PXDC1: variants seen among roughly 807,000 people sequenced by gnomAD.
PXDC1 encodes the protein PX domain containing 1.
PXDC1 carries 13 observed loss-of-function variants against 24.4 expected under a neutral mutation model. The observed-to-expected ratio is 0.53, with a 90% confidence interval of 0.35 to 0.85. The LOEUF (loss-of-function observed/expected upper bound fraction) is 0.85, where lower values mean the gene tolerates loss of function less well. Among genes scored for constraint, PXDC1 ranks in the 40% least tolerant of loss-of-function variants. PXDC1 has a pLI of 0.01. For synonymous variants in PXDC1, 162 were observed against 124.9 expected, an observed-to-expected ratio of 1.30 and a Z score of -1.98; for missense variants, 344 against 309.3, an observed-to-expected ratio of 1.11 and a Z score of -0.84.
rs971477934 is a variant in PXDC1, at chr6:3,737,607, G to T, written c.349-411C>A. Reference sequence around the variant, plus strand: ...TTAACCACCACTCACGACGAAGCCCGCAGGCTTACATGGAAAGGGAGTTGA... The same window carrying T: ...TTAACCACCACTCACGACGAAGCCCTCAGGCTTACATGGAAAGGGAGTTGA... On this transcript the variant is annotated intron_variant, in intron 2 of 4. Transcript: ENST00000380283. This position sits in a 1 kb window ranked among gnomAD's most constrained non-coding sequence, Gnocchi z 5.5. The T allele has an allele frequency of 1.1e-5, 11 of 972,918 alleles. No homozygotes were observed. In the African/African-American group the frequency reaches 1.4e-4, roughly 12 times the overall value. 60.3% of individuals were successfully genotyped at this position (972,918 alleles called of 1,614,324 possible).
At chr6:3,734,535 C>G (rs1020964312) in intron 3 of PXDC1, among the ~76,000 whole-genome samples, 4 of 152,146 alleles carry the variant, frequency 2.6e-5, no homozygotes, top group African/African-American at 9.7e-5. Context: ...CCAGAGCCCT[C>G]TGTGAGCCCT....
Position 3,725,095 on chromosome 6 carries a change from A to C in PXDC1, c.579-1359T>G, listed in dbSNP as rs752253735. On this transcript the variant is annotated intron_variant, in intron 4 of 4. Coordinates refer to ENST00000380283, the MANE Select transcript of PXDC1 (RefSeq NM_183373.4). The surrounding 1 kb of genome is among the most constrained non-coding windows in gnomAD (Gnocchi z 4.8). ...GGAGACAGAGCAGCTCTCCAACTTC[A>C]TCCAGGGAATGAAATCTCTTCCCCA... Among the ~76,000 whole-genome samples the C allele has an allele frequency of 6.6e-6, 1 of 152,088 alleles. No individual in the cohort carries two copies. Among genetic ancestry groups the C allele is most frequent in the Non-Finnish European group, 1.5e-5 (1 of 68,002 alleles).
At chr6:3,740,376 T>G (rs965838545) in intron 1 of PXDC1, among the ~76,000 whole-genome samples, 5 of 152,360 alleles carry the variant, frequency 3.3e-5, no homozygotes, top group Non-Finnish European at 7.4e-5. Context: ...GATGCCTAAT[T>G]AAATACGAAT....
At chr6:3,749,590 G>A (rs1760653425) in intron 1 of PXDC1, among the ~76,000 whole-genome samples, 1 of 151,354 alleles carries the variant, frequency 6.6e-6, no homozygotes, top group South Asian at 2.2e-4. Context: ...CACCAGCGTG[G>A]ATGCAACTGA....
intron 3 of PXDC1, among the ~76,000 whole-genome samples, chr6:3,736,433 T>G (rs1760318047): frequency 6.6e-6 from 1 of 152,180 alleles, no homozygotes; most frequent in South Asian, 2.1e-4. Flanking sequence ...ACAAGGTGAT[T>G]GCCACTTGCT....
chr6:3,745,472 C>T (rs981907906), intron 1 of PXDC1, among the ~76,000 whole-genome samples: 1 of 152,230 alleles, frequency 6.6e-6, no homozygotes. Flanking sequence ...ACAGTGCACC[C>T]GAGGCTTGAG....
At chr6:3,734,944 G>A (rs1473714169) in intron 3 of PXDC1, among the ~76,000 whole-genome samples, 2 of 152,082 alleles carry the variant, frequency 1.3e-5, no homozygotes, top group Non-Finnish European at 2.9e-5. Flanking sequence ...AACTAGCCTG[G>A]CATGATGGGA....
Position 3,725,835 on chromosome 6 carries a change from C to T in PXDC1, c.578+1716G>A, listed in dbSNP as rs1209286210. Reference sequence around the variant, plus strand: ...CGGCAAGCCCAAGTCGGAACTCCCTCCAGATGCTCCCGAGCCCCATGGCGG... The same window carrying T: ...CGGCAAGCCCAAGTCGGAACTCCCTTCAGATGCTCCCGAGCCCCATGGCGG... On this transcript the variant is annotated intron_variant, in intron 4 of 4. Transcript: ENST00000380283. This position sits in a 1 kb window ranked among gnomAD's most constrained non-coding sequence, Gnocchi z 4.8. Among the ~76,000 whole-genome samples, 1 of 152,210 alleles carries T rather than the reference C, an allele frequency of 6.6e-6. No individual in the cohort carries two copies. Among genetic ancestry groups the T allele is most frequent in the Admixed American group, 6.5e-5 (1 of 15,284 alleles).
chr6:3,737,696 T>C lies in PXDC1; in HGVS notation c.348+361A>G, dbSNP rs908580691. The C allele has an allele frequency of 4.1e-6, 4 of 985,254 alleles. No homozygotes were observed. In the African/African-American group the frequency reaches 7.0e-5, roughly 17 times the overall value. 61.0% of individuals were successfully genotyped at this position (985,254 alleles called of 1,614,324 possible). On this transcript the variant is annotated intron_variant, in intron 2 of 4. Transcript: ENST00000380283. The surrounding 1 kb of genome is among the most constrained non-coding windows in gnomAD (Gnocchi z 5.5). Reference sequence around the variant, plus strand: ...CAACGTTCTTCTTGGTTTCCACGTGTCTGTTCTAAAATCCCCTCAGCAAGA... The same window carrying C: ...CAACGTTCTTCTTGGTTTCCACGTGCCTGTTCTAAAATCCCCTCAGCAAGA...
At chr6:3,730,613 T>G (rs899934936) in intron 3 of PXDC1, among the ~76,000 whole-genome samples, 1 of 152,176 alleles carries the variant, frequency 6.6e-6, no homozygotes, top group Non-Finnish European at 1.5e-5. Context: ...CTGTAGCCTG[T>G]GCCCCGTTTC....
At chr6:3,750,615 G>T (rs1207878550) in intron 1 of PXDC1, among the ~76,000 whole-genome samples, 2 of 152,248 alleles carry the variant, frequency 1.3e-5, no homozygotes, top group Non-Finnish European at 2.9e-5. Flanking sequence ...ATTCCCGCGA[G>T]CCAGGACGGT....
intron 1 of PXDC1, among the ~76,000 whole-genome samples, chr6:3,749,867 C>T (rs148701102): frequency 7.7e-4 from 118 of 152,316 alleles, no homozygotes; most frequent in African/African-American, 2.6e-3. Flanking sequence ...ATTTAAGCCT[C>T]GTTCCAGGAA....
chr6:3,741,116 C>A (rs575028748), intron 1 of PXDC1, among the ~76,000 whole-genome samples: 1 of 152,332 alleles, frequency 6.6e-6, no homozygotes, highest in East Asian at 1.9e-4. Context: ...GTCATCACCT[C>A]AGCCTGACCC....
At position 3,727,556 on chromosome 6, in the gene PXDC1, C is replaced by A. The variant is rs773829554; in HGVS notation, c.573G>T (p.Glu191Asp). 56 of 1,596,642 alleles carry A rather than the reference C, an allele frequency of 3.5e-5. No individual in the cohort carries two copies. The Admixed American group carries it at 8.8e-4, about 25-fold the overall frequency. The change falls in exon 4 of 5, where the codon GAG (glutamate) becomes GAT (aspartate). Residue 191 changes from glutamate to aspartate, a missense_variant. By Grantham distance (45) the Glu-to-Asp change is conservative (BLOSUM62 2). Coordinates refer to ENST00000380283, the MANE Select transcript of PXDC1 (RefSeq NM_183373.4). Reference sequence around the variant, plus strand: ...ATTCAAATCAGCATACTTACAAATGCTCTGTTGGGTCCACGCCCAGCTGCT... The same window carrying A: ...ATTCAAATCAGCATACTTACAAATGATCTGTTGGGTCCACGCCCAGCTGCT... Reference protein sequence around the residue: ...RDQQLGVDPTEHLFENGSEFP... With the variant: ...RDQQLGVDPTDHLFENGSEFP...
rs184674320 is a variant in PXDC1, at chr6:3,744,226, C to T, written c.257-6078G>A. On this transcript the variant is annotated intron_variant, in intron 1 of 4. Coordinates refer to ENST00000380283, the MANE Select transcript of PXDC1 (RefSeq NM_183373.4). ...TCCGTCCTGCAGCATCACAGGTTCC[C>T]AGGGGGAGCAGCCCACTCAGGCAGG... 3.9e-5 allele frequency among the ~76,000 whole-genome samples: 6 copies of T among 152,314 alleles called. No individual in the cohort carries two copies. The East Asian group carries it at 9.6e-4, about 24-fold the overall frequency.
In PXDC1 at chr6:3,737,175, G is replaced by T; in HGVS notation, c.370C>A (p.Leu124Ile). The change falls in exon 3 of 5, where the codon CTC becomes ATC. Residue 124 changes from leucine (L) to isoleucine (I), a missense_variant. Transcript: ENST00000380283. This position sits in a 1 kb window ranked among gnomAD's most constrained non-coding sequence, Gnocchi z 5.5. ...AGAGGAGATCTTTCGAAGAAGGTGAGCACAACTTCCGATCTAGAATACTGG... is the reference window on the plus strand; with the variant it reads ...AGAGGAGATCTTTCGAAGAAGGTGATCACAACTTCCGATCTAGAATACTGG... ...PCKYSRSEVV[L>I]TFFERSPLDQ... 2 of 1,611,002 alleles carry T rather than the reference G, an allele frequency of 1.2e-6. No individual in the cohort carries two copies. The highest frequency in any genetic ancestry group is 1.7e-6 in the Non-Finnish European group (2 of 1,177,102).
At chr6:3,745,171 A>G (rs1365718610) in intron 1 of PXDC1, among the ~76,000 whole-genome samples, 2 of 152,214 alleles carry the variant, frequency 1.3e-5, no homozygotes, top group Non-Finnish European at 2.9e-5. Flanking sequence ...CTCTTTAGCC[A>G]GGGCAGGGGT....
In PXDC1 at chr6:3,737,270, GC is replaced by G. The variant is rs1290597724; in HGVS notation, c.349-75del. 77 of 1,040,516 alleles carry G rather than the reference GC, an allele frequency of 7.4e-5. No homozygotes were observed. The African/African-American group carries it at 8.8e-4, about 12-fold the overall frequency. 64.5% of individuals were successfully genotyped at this position (1,040,516 alleles called of 1,614,324 possible). On this transcript the variant is annotated intron_variant, in intron 2 of 4. Coordinates refer to ENST00000380283, the MANE Select transcript of PXDC1 (RefSeq NM_183373.4). This position sits in a 1 kb window ranked among gnomAD's most constrained non-coding sequence, Gnocchi z 5.5. Reference sequence around the variant, plus strand: ...GGCCCTGTCTGTCTACCAAGAGAGGGCCCCGCTCCTCCGCAGAGGCAGCCTG... The same window carrying G: ...GGCCCTGTCTGTCTACCAAGAGAGGGCCCGCTCCTCCGCAGAGGCAGCCTG...
chr6:3,745,470 C>A (rs1428511249), intron 1 of PXDC1, among the ~76,000 whole-genome samples: 1 of 152,234 alleles, frequency 6.6e-6, no homozygotes, highest in Non-Finnish European at 1.5e-5. Context: ...CAACAGTGCA[C>A]CCGAGGCTTG....
Sources: allele counts gnomAD v4.1 joint callset (sites outside exome capture counted in the v4.1 genomes callset), GRCh38; gene constraint gnomAD v4.1.1; non-coding constraint Gnocchi (gnomAD v3.1); transcripts MANE v1.5; gene names NCBI Gene and HGNC (gene_info 2026-07-23, HGNC 2026-07-21).